The following PDHX variants were observed in gnomAD, a reference collection of about 807,000 sequenced individuals.
PDHX encodes the protein pyruvate dehydrogenase protein X component, mitochondrial.
Under a neutral mutation model 55.3 loss-of-function variants are expected in PDHX, and 33 were observed. The ratio of observed to expected loss-of-function variants is 0.60; its 90% confidence interval spans 0.45 to 0.80. The LOEUF (loss-of-function observed/expected upper bound fraction) is 0.80. Among genes scored for constraint, PDHX ranks in the 30% least tolerant of loss-of-function variants. PDHX has a pLI of 0.00. For synonymous variants in PDHX, 226 were observed against 219.4 expected, an observed-to-expected ratio of 1.03 and a Z score of -0.27; for missense variants, 622 against 619.9, an observed-to-expected ratio of 1.00 and a Z score of -0.04.
At chr11:34,990,350 A>C (rs577844395) in intron 9 of PDHX, among the ~76,000 whole-genome samples, 7 of 152,328 alleles carry the variant, frequency 4.6e-5, no homozygotes, top group African/African-American at 1.4e-4. Context: ...AGGAGATCCC[A>C]GTGATGATTA....
chr11:34,934,932 T>TA (rs60682931), intron 2 of PDHX, among the ~76,000 whole-genome samples: 30 of 150,376 alleles, frequency 2.0e-4, no homozygotes, highest in African/African-American at 5.3e-4. Context: ...TTTTGATTAT[T>TA]AAAAAAAAAA....
rs558284287 is a variant in PDHX at position 34,966,673 on chromosome 11, G to T, written c.675G>T (p.Thr225=). The part of the protein sequence containing the change: ...DALKLVQLKQ[T]GKITESRPTP... ...TCAAACTTGTCCAGTTGAAACAAAC[G>T]GGCAAGATTACCGAGTCCAGACCAA... Residue 225 remains threonine, a synonymous_variant, in exon 6 of 11, where the codon ACG becomes ACT. Coordinates refer to ENST00000227868, the MANE Select transcript of PDHX (RefSeq NM_003477.3). 2 of 1,613,832 alleles carry T rather than the reference G, an allele frequency of 1.2e-6. No individual in the cohort carries two copies. The highest frequency in any genetic ancestry group is 8.5e-7 in the Non-Finnish European group (1 of 1,179,974).
chr11:34,995,032 G>A lies in PDHX; in HGVS notation c.1366G>A (p.Glu456Lys). The A allele has an allele frequency of 6.2e-7, 1 of 1,614,064 alleles. No homozygotes were observed. Among genetic ancestry groups the A allele is most frequent in the Non-Finnish European group, 8.5e-7 (1 of 1,179,952 alleles). The change falls in exon 11 of 11, where the codon GAG becomes AAG. Residue 456 changes from glutamate to lysine, a missense_variant. Coordinates refer to ENST00000227868, the MANE Select transcript of PDHX (RefSeq NM_003477.3). Reference protein sequence around the residue: ...RPVLKLTEDEEGNAKLQQRQL... With the variant: ...RPVLKLTEDEKGNAKLQQRQL... ...TGTGCTGAAGCTCACTGAGGATGAA[G>A]AGGGAAATGCCAAACTGCAGCAGCG...
intron 3 of PDHX, among the ~76,000 whole-genome samples, chr11:34,949,926 G>C (rs1854716467): frequency 6.6e-6 from 1 of 151,936 alleles, no homozygotes; most frequent in South Asian, 2.1e-4. Flanking sequence ...CTAAAAAATA[G>C]CATCCATGGA....
At chr11:34,988,328 A>G (rs891659855) in intron 9 of PDHX, among the ~76,000 whole-genome samples, 7 of 152,296 alleles carry the variant, frequency 4.6e-5, no homozygotes, top group Admixed American at 2.6e-4. Context: ...CAAGTACAAG[A>G]TAATAATTTG....
At chr11:34,933,352 A>G (rs1854222840) in intron 2 of PDHX, among the ~76,000 whole-genome samples, 1 of 152,212 alleles carries the variant, frequency 6.6e-6, no homozygotes, top group Non-Finnish European at 1.5e-5. Context: ...ATAGATTATA[A>G]CTGAAGGATA....
At chr11:34,981,295 C>G (rs1855507568) in intron 8 of PDHX, among the ~76,000 whole-genome samples, 2 of 152,234 alleles carry the variant, frequency 1.3e-5, no homozygotes, top group Admixed American at 6.5e-5. Flanking sequence ...ATGATGGTTT[C>G]CAGCTTCATC....
intron 3 of PDHX, among the ~76,000 whole-genome samples, chr11:34,954,787 G>T (rs1854866600): frequency 6.6e-6 from 1 of 152,094 alleles, no homozygotes; most frequent in Non-Finnish European, 1.5e-5. Flanking sequence ...TATTCTAAGG[G>T]CCTTACATAT....
rs979861113 is a variant in PDHX at position 34,982,236 on chromosome 11, C to T, written c.1024-2334C>T. Among the ~76,000 whole-genome samples the T allele has an allele frequency of 1.4e-4, 22 of 152,224 alleles. No individual in the cohort carries two copies. In the East Asian group the frequency reaches 4.2e-3, roughly 29 times the overall value. ...TCTACATATGGCTAGCCAGTTTTCC[C>T]AGCACCATTTATTAAATAGGGAATC... On this transcript the variant is annotated intron_variant, in intron 8 of 10. Coordinates refer to ENST00000227868, the MANE Select transcript of PDHX (RefSeq NM_003477.3).
chr11:34,917,050 G>C (rs1028884322), intron 1 of PDHX, among the ~76,000 whole-genome samples: 8 of 152,134 alleles, frequency 5.3e-5, no homozygotes, highest in Non-Finnish European at 1.0e-4. Context: ...ATGGCTTTGT[G>C]ACCTTGCCTT....
At chr11:34,928,604 G>A (rs558997880) in intron 1 of PDHX, among the ~76,000 whole-genome samples, 4 of 152,132 alleles carry the variant, frequency 2.6e-5, no homozygotes, top group Non-Finnish European at 4.4e-5. Context: ...AAAGAAAAAG[G>A]CAGTAGACAC....
intron 3 of PDHX, among the ~76,000 whole-genome samples, chr11:34,953,422 T>C (rs371645228): frequency 1.3e-5 from 2 of 152,188 alleles, no homozygotes; most frequent in South Asian, 2.1e-4. Flanking sequence ...GGAGGCATCA[T>C]GCTACGTGAC....
chr11:34,954,967 G>A (rs574839919), intron 3 of PDHX, among the ~76,000 whole-genome samples: 1 of 152,138 alleles, frequency 6.6e-6, no homozygotes, highest in Non-Finnish European at 1.5e-5. Flanking sequence ...GGGAGGGAAG[G>A]CTAATATTTG....
At chr11:34,936,377 G>A (rs144945816) in intron 2 of PDHX, among the ~76,000 whole-genome samples, 494 of 152,232 alleles carry the variant, frequency 3.2e-3, no homozygotes, top group African/African-American at 0.011. Flanking sequence ...CATCGTAATT[G>A]GAATAGAACT....
intron 1 of PDHX, among the ~76,000 whole-genome samples, chr11:34,917,222 T>C (rs984719739): frequency 3.3e-5 from 5 of 152,120 alleles, no homozygotes; most frequent in Non-Finnish European, 7.4e-5. Flanking sequence ...TGGGAGTTCT[T>C]ACTTATTCTC....
chr11:34,984,033 G>A (rs1292087201), intron 8 of PDHX, among the ~76,000 whole-genome samples: 1 of 152,152 alleles, frequency 6.6e-6, no homozygotes, highest in Non-Finnish European at 1.5e-5. Context: ...TATAGTACAA[G>A]GCTACAGTAA....
In PDHX at chr11:34,950,370, T is replaced by TTTA. The variant is rs768914746; in HGVS notation, c.342+2784_342+2786dup. 4.6e-3 allele frequency among the ~76,000 whole-genome samples: 688 copies of TTTA among 149,742 alleles called. 3 individuals are homozygous for TTTA. Among genetic ancestry groups the TTTA allele is most frequent in the African/African-American group, 0.012 (490 of 41,088 alleles). On this transcript the variant is annotated intron_variant, in intron 3 of 10. Transcript: ENST00000227868. ...AATGTTTGTTTATTTATTTATTTATTTTATTATTATTATTATTATTATACT... is the reference window on the plus strand; with the variant it reads ...AATGTTTGTTTATTTATTTATTTATTTTATTATTATTATTATTATTATTATACT...
chr11:34,942,889 A>G (rs556499533), intron 2 of PDHX, among the ~76,000 whole-genome samples: 4 of 152,124 alleles, frequency 2.6e-5, no homozygotes, highest in African/African-American at 7.2e-5. Flanking sequence ...TCTAGCTAAC[A>G]TATATGTCTG....
chr11:34,940,864 C>T (rs958543055), intron 2 of PDHX, among the ~76,000 whole-genome samples: 9 of 152,158 alleles, frequency 5.9e-5, no homozygotes, highest in Admixed American at 5.2e-4. Flanking sequence ...TAAGGTTCAT[C>T]CATGTTGTAG....
Sources: gnomAD v4.1 joint callset for allele counts (sites outside exome capture counted in the v4.1 genomes callset) on GRCh38, gnomAD v4.1.1 for gene constraint, MANE v1.5 for transcripts, NCBI Gene and HGNC (gene_info 2026-07-23, HGNC 2026-07-21) for gene names.